The following MGAM variants were observed in gnomAD, a reference collection of about 807,000 sequenced individuals.
The protein encoded by MGAM is alpha-1,4-glucosidase.
MGAM carries 253 observed loss-of-function variants against 358.8 expected under a neutral mutation model. The observed-to-expected ratio is 0.71, with a 90% CI of 0.64 to 0.78. The LOEUF is 0.78. Ranked by LOEUF, MGAM falls within the 30% of genes least tolerant of loss-of-function variation. MGAM has a pLI of 0.00. For missense variants in MGAM, 3,080 were observed against 3,432.6 expected (o/e 0.90, Z 2.57); for synonymous variants, 1,105 against 1,227.1 (o/e 0.90, Z 2.08).
intron 57 of MGAM, among the ~76,000 whole-genome samples, chr7:142,088,964 C>CTATGTATG (rs57009731): frequency 0.032 from 3,720 of 116,654 alleles, 303 homozygotes; most frequent in African/African-American, 0.089. Flanking sequence ...TCATCTATCT[C>CTATGTATG]TATGTATGTA....
At position 142,073,307 on chromosome 7, in the gene MGAM, A is replaced by G. The variant is rs778874213; in HGVS notation, c.5187-778A>G. Reference sequence around the variant, plus strand: ...AAGAAAGCAGATGATTTTGTTGATAATGGAAACTAACTCTCTTGCATAGTG... The same window carrying G: ...AAGAAAGCAGATGATTTTGTTGATAGTGGAAACTAACTCTCTTGCATAGTG... On this transcript the variant is annotated intron_variant, in intron 44 of 70. Coordinates refer to ENST00000475668, the MANE Select transcript of MGAM (RefSeq NM_001365693.1). Among the ~76,000 whole-genome samples, 4 of 146,266 alleles carry G rather than the reference A, an allele frequency of 2.7e-5. 1 individual carries two copies. Among genetic ancestry groups the G allele is most frequent in the Non-Finnish European group, 6.2e-5 (4 of 64,574 alleles).
chr7:142,042,882 CATATAATATCTAA>C (rs1809200088), intron 21 of MGAM, among the ~76,000 whole-genome samples: 2 of 42,910 alleles, frequency 4.7e-5, no homozygotes, highest in South Asian at 2.2e-3. Context: ...ATTATATATA[CATATAATATCTAA>C]ATATAATATC....
intron 40 of MGAM, 129 bp from the exon 41 acceptor site, chr7:142,066,444 G>A (rs1812768388): frequency 1.8e-6 from 2 of 1,094,396 alleles, no homozygotes; most frequent in Admixed American, 2.7e-5. Context: ...AATATTCTCT[G>A]GGCCTCATGT....
intron 36 of MGAM, 84 bp downstream of exon 36, chr7:142,063,670 C>A: frequency 7.0e-7 from 1 of 1,426,670 alleles, no homozygotes; most frequent in Non-Finnish European, 9.7e-7. Context: ...GGCAGCCCCA[C>A]AGCTGAGGGC....
chr7:142,048,516 A>G (rs1810627643), intron 22 of MGAM, among the ~76,000 whole-genome samples: 1 of 151,944 alleles, frequency 6.6e-6, no homozygotes, highest in Non-Finnish European at 1.5e-5. Flanking sequence ...CCGTAACCCA[A>G]TGTTAATGTC....
chr7:142,083,546 G>A, intron 53 of MGAM, 133 bp downstream of exon 53: 1 of 714,866 alleles, frequency 1.4e-6, no homozygotes, highest in South Asian at 2.4e-5. Flanking sequence ...TATAGAATAA[G>A]GAAAAATAAA....
At position 142,021,098 on chromosome 7, in the gene MGAM, A is replaced by AT. The variant is rs545076242; in HGVS notation, c.558+24dup. 2.2e-4 allele frequency: 345 copies of AT among 1,546,964 alleles called. No individual in the cohort carries two copies. Among genetic ancestry groups the AT allele is most frequent in the Admixed American group, 5.8e-4 (29 of 49,978 alleles). On this transcript the variant is annotated intron_variant, in intron 5 of 70. Transcript: ENST00000475668. ...TCCACTTTAAGGTTGTAATTTGTTTATTTTTTTTTAAGTTTTTTTGAGAGA... is the reference window on the plus strand; with the variant it reads ...TCCACTTTAAGGTTGTAATTTGTTTATTTTTTTTTTAAGTTTTTTTGAGAGA...
chr7:142,068,804 C>T lies in MGAM; in HGVS notation c.5061+101C>T, dbSNP rs1813075030. The T allele has an allele frequency of 1.5e-5, 15 of 1,026,772 alleles. 2 individuals carry two copies. Among genetic ancestry groups the T allele is most frequent in the Admixed American group, 6.1e-5 (3 of 49,462 alleles). The allele number at this position is 1,026,772 out of a possible 1,614,324, so 63.6% of individuals were successfully genotyped here. The stretch of plus-strand genomic sequence containing the variant: ...GGTCAAATGCTGGCTCTGTAACCCA[C>T]CTGCTGTGTGGTCTTAGAGAAGCCA... On this transcript the variant is annotated intron_variant, in intron 43 of 70. Coordinates refer to ENST00000475668, the MANE Select transcript of MGAM (RefSeq NM_001365693.1).
chr7:142,099,643 A>G lies in MGAM; in HGVS notation c.7780A>G (p.Lys2594Glu). 7 of 1,613,944 alleles carry G rather than the reference A, an allele frequency of 4.3e-6. No homozygotes were observed. Among genetic ancestry groups the G allele is most frequent in the Non-Finnish European group, 5.9e-6 (7 of 1,179,866 alleles). ...GGATATTAATGCAAGAGGAGAGTGG[A>G]AGACCTTGCCAGCCCCTCTTGACCA... Reference protein sequence around the residue: ...GVDINARGEWKTLPAPLDHIN... With the variant: ...GVDINARGEWETLPAPLDHIN... The change falls in exon 67 of 71, where the codon AAG (lysine) becomes GAG (glutamate). Residue 2594 changes from lysine to glutamate, a missense_variant. Around this residue, in one of 5 missense-constraint regions of MGAM, gnomAD observed 932 missense variants for 1,198.2 expected, o/e 0.78. Transcript: ENST00000475668.
chr7:142,040,125 A>C lies in MGAM; in HGVS notation c.2327A>C (p.Lys776Thr), dbSNP rs772908334. ...TTTTTTTAATTTCAGGGTGCAGAGA[A>C]AGTGATGGCATATGTGCCTGATGCT... ...ITPVLDEGAEKVMAYVPDAVW... is the reference protein window; with the variant it reads ...ITPVLDEGAETVMAYVPDAVW... The change falls in exon 20 of 71, where the codon AAA becomes ACA. Residue 776 changes from lysine to threonine, a missense_variant. Transcript: ENST00000475668. 6.2e-7 allele frequency: 1 copy of C among 1,612,264 alleles called. No individual in the cohort carries two copies. Among genetic ancestry groups the C allele is most frequent in the Non-Finnish European group, 8.5e-7 (1 of 1,178,854 alleles).
chr7:142,099,686 G>C lies in MGAM; in HGVS notation c.7823G>C (p.Arg2608Pro), dbSNP rs781602751. The C allele has an allele frequency of 5.0e-6, 8 of 1,613,854 alleles. No individual in the cohort carries two copies. Among genetic ancestry groups the C allele is most frequent in the Non-Finnish European group, 6.8e-6 (8 of 1,179,880 alleles). Residue 2608 changes from arginine to proline, a missense_variant, in exon 67 of 71, where the codon CGT (arginine) becomes CCT (proline). Physicochemically the swap from Arg to Pro is moderately radical, Grantham distance 103. Coordinates refer to ENST00000475668, the MANE Select transcript of MGAM (RefSeq NM_001365693.1). ...APLDHINLHVRGGYILPWQEP... is the reference protein window; with the variant it reads ...APLDHINLHVPGGYILPWQEP... ...CTTGACCACATTAATCTTCATGTCC[G>C]TGGGGGCTACATCCTGCCCTGGCAA...
At chr7:142,020,635 T>C (rs1244843657) in intron 4 of MGAM, among the ~76,000 whole-genome samples, 3 of 146,836 alleles carry the variant, frequency 2.0e-5, no homozygotes, top group African/African-American at 7.6e-5. Context: ...GGAGCCTCAC[T>C]CTGTCATGCA....
chr7:142,077,248 A>G (rs1425874993), intron 47 of MGAM, among the ~76,000 whole-genome samples: 1 of 145,640 alleles, frequency 6.9e-6, no homozygotes, highest in Non-Finnish European at 1.6e-5. Context: ...CAGGCTTTGG[A>G]GGTCTTAGTT....
At chr7:142,005,715 A>T (rs1285964) in intron 2 of MGAM, 58 bp downstream of exon 2, 1,004,878 of 1,523,608 alleles carry the variant, frequency 0.66, 335,639 homozygotes, top group East Asian at 1. Flanking sequence ...CAAACCTTCA[A>T]CAATGTCAGG....
rs768666141 is a variant in MGAM, at chr7:142,040,116, G to T, written c.2318G>T (p.Gly773Val). 1.2e-6 allele frequency: 2 copies of T among 1,610,588 alleles called. No individual in the cohort carries two copies. The highest frequency in any genetic ancestry group is 1.3e-5 in the African/African-American group (1 of 74,978). Residue 773 changes from glycine to valine, a missense_variant and splice_region_variant, in exon 20 of 71, where the codon GGT becomes GTT. Physicochemically the swap from Gly to Val is moderately radical, Grantham distance 109. Around this residue, in one of 5 missense-constraint regions of MGAM, gnomAD observed 1,816 missense variants for 1,840.5 expected, o/e 0.99. Transcript: ENST00000475668. Reference protein sequence around the residue: ...GLLITPVLDEGAEKVMAYVPD... With the variant: ...GLLITPVLDEVAEKVMAYVPD... ...GACACTACATTTTTTTAATTTCAGG[G>T]TGCAGAGAAAGTGATGGCATATGTG... is the stretch of plus-strand genomic sequence containing the variant.
In MGAM at chr7:142,023,260, C is replaced by T. The variant is rs577661984; in HGVS notation, c.882+821C>T. Among the ~76,000 whole-genome samples the T allele has an allele frequency of 8.9e-4, 136 of 151,994 alleles. 2 individuals carry two copies. The South Asian group carries it at 0.022, about 25-fold the overall frequency. On this transcript the variant is annotated intron_variant, in intron 7 of 70. Transcript: ENST00000475668. Reference sequence around the variant, plus strand: ...TATTTTTTTTGTAGAGACTGTGTTTCGCCATGTTGTTCAGGCTGATCTCAA... The same window carrying T: ...TATTTTTTTTGTAGAGACTGTGTTTTGCCATGTTGTTCAGGCTGATCTCAA...
intron 20 of MGAM, 187 bp downstream of exon 20, chr7:142,040,358 G>GA: frequency 1.7e-6 from 1 of 601,494 alleles, no homozygotes. Context: ...GATGAAATGT[G>GA]AAAAAATACC....
chr7:142,050,786 A>G lies in MGAM; in HGVS notation c.2727A>G (p.Glu909=). ...FNEIKILGTE[E]PSNVTVKHNG... The stretch of plus-strand genomic sequence containing the variant: ...AGATTAAAATTCTTGGGACGGAGGA[A>G]CCTAGCAATGTTACAGTGAAACACA... The change falls in exon 24 of 71, where the codon GAA becomes GAG. Residue 909 remains glutamate (E), a synonymous_variant. Transcript: ENST00000475668. 1 of 1,613,872 alleles carries G rather than the reference A, an allele frequency of 6.2e-7. No homozygotes were observed. Among genetic ancestry groups the G allele is most frequent in the Admixed American group, 1.7e-5 (1 of 60,004 alleles).
intron 12 of MGAM, among the ~76,000 whole-genome samples, chr7:142,031,072 C>T (rs1807447633): frequency 6.6e-6 from 1 of 152,082 alleles, no homozygotes; most frequent in African/African-American, 2.4e-5. Context: ...TTCCCTGATA[C>T]CGCTCTGGCA....
Sources: allele counts gnomAD v4.1 joint callset (sites outside exome capture counted in the v4.1 genomes callset), GRCh38; gene constraint gnomAD v4.1.1; regional missense constraint gnomAD v4.1.1; transcripts MANE v1.5; gene names NCBI Gene and HGNC (gene_info 2026-07-23, HGNC 2026-07-21).